ANKS1A: variants seen among roughly 807,000 people sequenced by gnomAD.
ANKS1A encodes the protein ankyrin repeat and SAM domain-containing protein 1A.
ANKS1A carries 55 observed loss-of-function variants against 120.3 expected under a neutral mutation model. That is an observed-to-expected ratio of 0.46 (90% CI 0.37 to 0.57). The LOEUF is 0.57. ANKS1A is among the 20% of genes least tolerant of loss of function. The pLI, the probability that ANKS1A is intolerant of heterozygous loss-of-function variation, is 0.00. For missense variants in ANKS1A, 1,123 were observed against 1,480.3 expected (o/e 0.76, Z 3.96); for synonymous variants, 590 against 604.7 (o/e 0.98, Z 0.36).
chr6:35,072,609 C>A (rs1777137816), intron 13 of ANKS1A, among the ~76,000 whole-genome samples: 1 of 152,204 alleles, frequency 6.6e-6, no homozygotes, highest in African/African-American at 2.4e-5. Flanking sequence ...ACATCCTGAC[C>A]CTGTTTCTCC....
At chr6:34,965,386 C>G (rs1270457634) in intron 1 of ANKS1A, among the ~76,000 whole-genome samples, 1 of 152,178 alleles carries the variant, frequency 6.6e-6, no homozygotes, top group Non-Finnish European at 1.5e-5. Flanking sequence ...GAGTCTCACT[C>G]TGTCACCTAG....
Position 35,085,529 on chromosome 6 carries a change from A to G in ANKS1A, c.3133-237A>G, listed in dbSNP as rs1747517. On this transcript the variant is annotated intron_variant, in intron 21 of 23. Transcript: ENST00000360359. The surrounding 1 kb of genome is among the most constrained non-coding windows in gnomAD (Gnocchi z 4.7). ...CTTGGAAAAGACCTGCCGTAGGCTT[A>G]CAGCAGTGTGCACCTGCCCTCCCCG... Among the ~76,000 whole-genome samples the G allele has an allele frequency of 0.18, 28,136 of 152,194 alleles. 3,305 individuals are homozygous for G. The highest frequency in any genetic ancestry group is 0.31 in the African/African-American group (12,839 of 41,492).
rs188038894 is a variant in ANKS1A, at chr6:35,054,542, G to A, written c.2077+377G>A. Among the ~76,000 whole-genome samples, 58 of 152,300 alleles carry A rather than the reference G, an allele frequency of 3.8e-4. No homozygotes were observed. In the East Asian group the frequency reaches 9.3e-3, roughly 24 times the overall value. ...AAGATGGCTCTCAAGAGTCTCATCC[G>A]TGATGGTGGCGGAGCACTGGGTTAG... On this transcript the variant is annotated intron_variant, in intron 12 of 23. Transcript: ENST00000360359.
intron 10 of ANKS1A, among the ~76,000 whole-genome samples, chr6:35,014,981 TC>T (rs1773928898): frequency 6.6e-6 from 1 of 152,206 alleles, no homozygotes; most frequent in Non-Finnish European, 1.5e-5. Context: ...GTAGCTTTGT[TC>T]TGGCTGCCAG....
intron 1 of ANKS1A, among the ~76,000 whole-genome samples, chr6:34,917,197 A>C (rs1214590708): frequency 2.6e-5 from 4 of 152,206 alleles, no homozygotes; most frequent in Admixed American, 6.5e-5. Context: ...AGAAGGAAGA[A>C]GGCTTTGAAG....
At chr6:35,048,207 C>T (rs993384898) in intron 11 of ANKS1A, among the ~76,000 whole-genome samples, 2 of 152,148 alleles carry the variant, frequency 1.3e-5, no homozygotes, top group African/African-American at 2.4e-5. Context: ...AACAAAACAG[C>T]TCTGTTGTCT....
chr6:35,093,644 A>G (rs987240250), downstream of ANKS1A, among the ~76,000 whole-genome samples: 5 of 152,230 alleles, frequency 3.3e-5, no homozygotes, highest in Admixed American at 1.3e-4. Context: ...ATGTCTCGGA[A>G]GATCAGTAGA....
At chr6:35,000,111 C>T (rs1327180856) in intron 10 of ANKS1A, among the ~76,000 whole-genome samples, 1 of 152,100 alleles carries the variant, frequency 6.6e-6, no homozygotes, top group Non-Finnish European at 1.5e-5. Flanking sequence ...CACTCTAATA[C>T]CACTTTGTTG....
intron 14 of ANKS1A, among the ~76,000 whole-genome samples, chr6:35,079,270 C>T (rs1055113066): frequency 6.6e-6 from 1 of 152,204 alleles, no homozygotes. Context: ...CCTACCTAGG[C>T]TTGTCTGCTA....
In ANKS1A at chr6:35,089,371, C is replaced by G; in HGVS notation, c.*762C>G. The G allele has an allele frequency of 1.0e-6, 1 of 986,824 alleles. No homozygotes were observed. The highest frequency in any genetic ancestry group is 1.2e-6 in the Non-Finnish European group (1 of 830,642). The allele number at this position is 986,824 out of a possible 1,614,324, so 61.1% of individuals were successfully genotyped here. Reference sequence around the variant, plus strand: ...TAGCCAGCACCAGAGCGCCAGGCCTCTCCCTGGCCTCTTACCTGTCAGTGA... The same window carrying G: ...TAGCCAGCACCAGAGCGCCAGGCCTGTCCCTGGCCTCTTACCTGTCAGTGA... On this transcript the variant is annotated 3_prime_UTR_variant, in exon 24 of 24. Coordinates refer to ENST00000360359, the MANE Select transcript of ANKS1A (RefSeq NM_015245.3).
chr6:34,981,015 G>A (rs1349215409), intron 3 of ANKS1A, among the ~76,000 whole-genome samples: 1 of 152,138 alleles, frequency 6.6e-6, no homozygotes, highest in African/African-American at 2.4e-5. Context: ...CCATTTTAAT[G>A]AAGTAGATAC....
At chr6:35,007,817 G>C (rs1773542357) in intron 10 of ANKS1A, among the ~76,000 whole-genome samples, 1 of 152,238 alleles carries the variant, frequency 6.6e-6, no homozygotes, top group Non-Finnish European at 1.5e-5. Context: ...ACGCATTTGA[G>C]TCTGTGCACA....
At chr6:35,076,190 G>A (rs528433027) in intron 13 of ANKS1A, among the ~76,000 whole-genome samples, 10 of 152,314 alleles carry the variant, frequency 6.6e-5, no homozygotes, top group African/African-American at 9.6e-5. Flanking sequence ...TTGGGAGGCC[G>A]AGATGGGCGG....
chr6:35,080,115 C>T (rs1238318101), intron 16 of ANKS1A, among the ~76,000 whole-genome samples, 187 bp downstream of exon 16: 2 of 152,004 alleles, frequency 1.3e-5, no homozygotes, highest in East Asian at 3.9e-4. Flanking sequence ...TGGGGATGGC[C>T]GATCAAACAC....
chr6:35,051,197 GAA>G (rs373285249), intron 11 of ANKS1A, among the ~76,000 whole-genome samples: 1 of 147,258 alleles, frequency 6.8e-6, no homozygotes, highest in Non-Finnish European at 1.5e-5. Context: ...ATGTCTCAAA[GAA>G]AAAAAAAAGA....
At chr6:35,054,664 T>G (rs1388407787) in intron 12 of ANKS1A, among the ~76,000 whole-genome samples, 1 of 152,222 alleles carries the variant, frequency 6.6e-6, no homozygotes, top group East Asian at 1.9e-4. Flanking sequence ...TGACTCAGTT[T>G]ACTTCATCAC....
chr6:35,055,880 T>C (rs1033459068), intron 12 of ANKS1A, among the ~76,000 whole-genome samples: 10 of 152,206 alleles, frequency 6.6e-5, no homozygotes, highest in African/African-American at 2.4e-4. Flanking sequence ...TGGATCTGTT[T>C]TCAGGATCTG....
rs771897712 is a variant in ANKS1A, at chr6:35,041,770, A to G, written c.2011-12329A>G. Among the ~76,000 whole-genome samples, 290 of 152,268 alleles carry G rather than the reference A, an allele frequency of 1.9e-3. 2 individuals are homozygous for G. The highest frequency in any genetic ancestry group is 3.4e-3 in the Middle Eastern group (1 of 294). On this transcript the variant is annotated intron_variant, in intron 11 of 23. Coordinates refer to ENST00000360359, the MANE Select transcript of ANKS1A (RefSeq NM_015245.3). ...GGCTTGTTGCTCTCTGCCTGCCAGC[A>G]CCACCCTTTCTTCAGATGCTGAGCT...
In ANKS1A at chr6:35,088,637, G is replaced by A. The variant is rs1334253868; in HGVS notation, c.*28G>A. On this transcript the variant is annotated 3_prime_UTR_variant, in exon 24 of 24. Transcript: ENST00000360359. Reference sequence around the variant, plus strand: ...CACTGAGGAACCACACTGTGCTGCGGAAACATAGACGTGGGGGCATAGGCT... The same window carrying A: ...CACTGAGGAACCACACTGTGCTGCGAAAACATAGACGTGGGGGCATAGGCT... 3.1e-6 allele frequency: 5 copies of A among 1,614,204 alleles called. No homozygotes were observed. The highest frequency in any genetic ancestry group is 3.4e-6 in the Non-Finnish European group (4 of 1,180,036).
Sources: allele counts gnomAD v4.1 joint callset (sites outside exome capture counted in the v4.1 genomes callset), GRCh38; gene constraint gnomAD v4.1.1; non-coding constraint Gnocchi (gnomAD v3.1); transcripts MANE v1.5; gene names NCBI Gene and HGNC (gene_info 2026-07-23, HGNC 2026-07-21).